APOOL: variants seen among roughly 807,000 people sequenced by gnomAD.
APOOL encodes the protein MICOS complex subunit MIC27.
A neutral mutation model predicts 23.1 loss-of-function variants in APOOL; 12 were observed. The ratio of observed to expected loss-of-function variants is 0.52; its 90% CI spans 0.33 to 0.84. The LOEUF is 0.84. Among genes scored for constraint, APOOL ranks in the 40% least tolerant of loss-of-function variants. APOOL has a pLI of 0.02. For missense variants in APOOL, 212 were observed against 199.6 expected, an observed-to-expected ratio of 1.06 and a Z score of -0.37; for synonymous variants, 77 against 69.9, an observed-to-expected ratio of 1.10 and a Z score of -0.51.
rs774920097 is a variant in APOOL, at chrX:85,088,190, A to G, written c.*512A>G. 4.0e-3 allele frequency: 146 copies of G among 36,225 alleles called. 5 individuals are homozygous for G. Among genetic ancestry groups the G allele is most frequent in the African/African-American group, 0.012 (136 of 11,395 alleles). The allele number at this position is 36,225 out of a possible 1,213,427, so 3.0% of individuals were successfully genotyped here. A position where few individuals can be genotyped will look rare whatever the true frequency, so the allele number is the denominator to read the frequency against. On this transcript the variant is annotated 3_prime_UTR_variant, in exon 9 of 9. Transcript: ENST00000373173. The stretch of plus-strand genomic sequence containing the variant: ...TATACATATATGTATAAATACATAC[A>G]TATTTATACATATATATGTATAAAT...
At position 85,092,235 on chromosome X, in the gene APOOL, C is replaced by G; in HGVS notation, c.*4557C>G. ...ATTGGTTTGGATAATGGAAAGTTGA[C>G]TAGAGCTACAAAATCTGTTTCAAAA... is the stretch of plus-strand genomic sequence containing the variant. On this transcript the variant is annotated 3_prime_UTR_variant, in exon 9 of 9. Transcript: ENST00000373173. 1.1e-5 allele frequency: 6 copies of G among 562,444 alleles called. No homozygotes were observed. The highest frequency in any genetic ancestry group is 1.6e-5 in the Non-Finnish European group (6 of 379,626). 46.4% of individuals were successfully genotyped at this position (562,444 alleles called of 1,213,427 possible). A position where few individuals can be genotyped will look rare whatever the true frequency, so the allele number is the denominator to read the frequency against.
intron 6 of APOOL, among the ~76,000 whole-genome samples, chrX:85,070,134 C>T (rs917391127): frequency 9.0e-6 from 1 of 111,346 alleles, no homozygotes; most frequent in African/African-American, 3.3e-5. Context: ...ATTCTACAAA[C>T]ATCATTTATA....
At chrX:85,076,235 C>T (rs969556899) in intron 8 of APOOL, among the ~76,000 whole-genome samples, 2 of 111,092 alleles carry the variant, frequency 1.8e-5, no homozygotes, top group Non-Finnish European at 3.8e-5. Context: ...GACACCAACA[C>T]GCAGTACATA....
chrX:85,082,249 T>G (rs2147668247), intron 8 of APOOL, among the ~76,000 whole-genome samples: 1 of 111,895 alleles, frequency 8.9e-6, no homozygotes, highest in East Asian at 2.8e-4. Flanking sequence ...TGGTCTTTGA[T>G]GCTGGTGATC....
At chrX:85,082,222 G>T (rs779319398) in intron 8 of APOOL, among the ~76,000 whole-genome samples, 9 of 111,869 alleles carry the variant, frequency 8.0e-5, no homozygotes, top group African/African-American at 2.6e-4. Context: ...CCCCATCTTT[G>T]TGGTTTTATC....
At chrX:85,005,256 G>T (rs1237815719) in intron 1 of APOOL, among the ~76,000 whole-genome samples, 2 of 110,524 alleles carry the variant, frequency 1.8e-5, no homozygotes, top group Admixed American at 9.6e-5. Flanking sequence ...CGATTCTCCT[G>T]CCTCAGTCTC....
intron 6 of APOOL, among the ~76,000 whole-genome samples, chrX:85,071,669 A>G (rs998985488): frequency 6.2e-5 from 7 of 112,065 alleles, no homozygotes; most frequent in Admixed American, 1.9e-4. Context: ...GAAAAAGTTG[A>G]CATATTTGAC....
intron 1 of APOOL, among the ~76,000 whole-genome samples, chrX:85,038,082 C>T (rs767266444): frequency 9.8e-5 from 11 of 111,770 alleles, no homozygotes; most frequent in African/African-American, 3.6e-4. Context: ...ATGCATTTGA[C>T]AAAGGTTGTT....
Position 85,074,396 on chromosome X carries a change from G to C in APOOL, c.718+5G>C, listed in dbSNP as rs1421674222. 1.8e-5 allele frequency: 22 copies of C among 1,209,482 alleles called. 1 individual carries two copies. The highest frequency in any genetic ancestry group is 2.3e-5 in the Non-Finnish European group (21 of 894,240). ...CCAAATCAGAATCCACTTCAGGTTT[G>C]TTGGGTATAAGTCAATTTTGTTTTC... On this transcript the variant is annotated splice_donor_5th_base_variant and intron_variant, in intron 8 of 8. Transcript: ENST00000373173.
chrX:85,056,231 T>G (rs1338090803), intron 5 of APOOL, among the ~76,000 whole-genome samples: 1 of 111,273 alleles, frequency 9.0e-6, no homozygotes, highest in South Asian at 3.8e-4. Context: ...AAATTTTGTC[T>G]CATATATCAG....
intron 1 of APOOL, among the ~76,000 whole-genome samples, chrX:85,037,492 A>C (rs1374985616): frequency 9.0e-6 from 1 of 111,622 alleles, no homozygotes; most frequent in African/African-American, 3.3e-5. Flanking sequence ...CTGTGAGTCC[A>C]TTAAACCTCT....
At chrX:85,069,153 CA>C (rs1416748377) in intron 6 of APOOL, among the ~76,000 whole-genome samples, 1 of 110,284 alleles carries the variant, frequency 9.1e-6, no homozygotes, top group Non-Finnish European at 1.9e-5. Flanking sequence ...ATAATAATAT[CA>C]AGTAATATTT....
intron 8 of APOOL, among the ~76,000 whole-genome samples, chrX:85,079,870 A>G (rs1207349193): frequency 9.0e-6 from 1 of 111,367 alleles, no homozygotes; most frequent in African/African-American, 3.3e-5. Context: ...TTTCTAGTTT[A>G]TTTGCGTAGA....
At chrX:85,023,628 G>C (rs1330637214) in intron 1 of APOOL, among the ~76,000 whole-genome samples, 1 of 111,894 alleles carries the variant, frequency 8.9e-6, no homozygotes, top group African/African-American at 3.2e-5. Flanking sequence ...GAAAGCCAGA[G>C]GCATCACATT....
chrX:85,007,221 G>A (rs1409416653), intron 1 of APOOL, among the ~76,000 whole-genome samples: 1 of 111,004 alleles, frequency 9.0e-6, no homozygotes, highest in African/African-American at 3.3e-5. Context: ...GAGAAGTGAG[G>A]GCCTGGCTAA....
At chrX:85,068,780 T>A (rs1367054017) in intron 6 of APOOL, among the ~76,000 whole-genome samples, 4 of 111,406 alleles carry the variant, frequency 3.6e-5, no homozygotes, top group African/African-American at 1.3e-4. Context: ...CTTTAGATAA[T>A]CTAAATATTT....
Position 85,046,436 on chromosome X carries a change from T to C in APOOL, c.16-10T>C. The C allele has an allele frequency of 8.4e-7, 1 of 1,186,965 alleles. No homozygotes were observed. The highest frequency in any genetic ancestry group is 2.3e-4 in the Middle Eastern group (1 of 4,274). ...CAACTAAAAAGATGTTTTTGATATA[T>C]CTTTCTTAGATGGGAAAACTGACAA... On this transcript the variant is annotated splice_polypyrimidine_tract_variant and intron_variant, in intron 1 of 8. Coordinates refer to ENST00000373173, the MANE Select transcript of APOOL (RefSeq NM_198450.6).
chrX:85,076,054 AGAG>A, intron 8 of APOOL, among the ~76,000 whole-genome samples: 1 of 111,088 alleles, frequency 9.0e-6, no homozygotes, highest in South Asian at 3.8e-4. Context: ...CTCACATGGC[AGAG>A]AAGAGAGGGA....
intron 1 of APOOL, among the ~76,000 whole-genome samples, chrX:85,033,760 T>C (rs1239652254): frequency 8.9e-6 from 1 of 111,781 alleles, no homozygotes; most frequent in Non-Finnish European, 1.9e-5. Flanking sequence ...GACATTATAA[T>C]GAGGTGTGGC....
Sources: allele counts gnomAD v4.1 joint callset (sites outside exome capture counted in the v4.1 genomes callset), GRCh38; gene constraint gnomAD v4.1.1; transcripts MANE v1.5; gene names NCBI Gene and HGNC (gene_info 2026-07-23, HGNC 2026-07-21).